The following ANO5 variants were observed in gnomAD, a reference collection of about 807,000 sequenced individuals.
ANO5 encodes anoctamin-5.
Under a neutral mutation model 121.0 loss-of-function variants are expected in ANO5, and 109 were observed. The ratio of observed to expected loss-of-function variants is 0.90; its 90% CI spans 0.77 to 1.06. The LOEUF (loss-of-function observed/expected upper bound fraction) is 1.06, where lower values mean the gene tolerates loss of function less well. Ranked by LOEUF, ANO5 falls within the 50% of genes least tolerant of loss-of-function variation. The pLI, the probability that ANO5 is intolerant of heterozygous loss-of-function variation, is 0.00. For synonymous variants in ANO5, 406 were observed against 359.9 expected (o/e 1.13, Z -1.45); for missense variants, 1,064 against 1,078.5 (o/e 0.99, Z 0.19).
At chr11:22,194,431 C>A (rs1043191714) in intron 1 of ANO5, among the ~76,000 whole-genome samples, 4 of 152,084 alleles carry the variant, frequency 2.6e-5, no homozygotes, top group Non-Finnish European at 5.9e-5. Context: ...TCCTCGTTCC[C>A]TTTTTTAAGC....
rs111357675 is a variant in ANO5, at chr11:22,197,255, T to G, written c.40+3723T>G. On this transcript the variant is annotated intron_variant, in intron 1 of 21. Coordinates refer to ENST00000324559, the MANE Select transcript of ANO5 (RefSeq NM_213599.3). ...GGCTAATTTCCTACTATCTTCTAAT[T>G]TTAAAAATGAAATTCTAATGGCAGA... Among the ~76,000 whole-genome samples, 253 of 152,338 alleles carry G rather than the reference T, an allele frequency of 1.7e-3. 2 individuals are homozygous for G. Among genetic ancestry groups the G allele is most frequent in the African/African-American group, 5.8e-3 (240 of 41,572 alleles).
chr11:22,211,132 A>G (rs1852262828), intron 2 of ANO5, 132 bp from the exon 3 acceptor site: 14 of 967,606 alleles, frequency 1.4e-5, no homozygotes, highest in Middle Eastern at 2.1e-4. Flanking sequence ...ACAGTTTTGC[A>G]TATGATTTAA....
intron 1 of ANO5, among the ~76,000 whole-genome samples, chr11:22,203,227 A>G (rs989473593): frequency 6.6e-6 from 1 of 152,172 alleles, no homozygotes; most frequent in Non-Finnish European, 1.5e-5. Context: ...TCAAGTTGGA[A>G]CCACTAGAAA....
intron 2 of ANO5, among the ~76,000 whole-genome samples, chr11:22,206,368 G>T (rs1334293755): frequency 1.3e-5 from 2 of 152,136 alleles, no homozygotes; most frequent in Non-Finnish European, 2.9e-5. Context: ...CCAGGCTGGA[G>T]TGCAGTGGCA....
chr11:22,273,011 G>C (rs773483450), intron 19 of ANO5, 22 bp downstream of exon 19: 5 of 1,604,734 alleles, frequency 3.1e-6, no homozygotes, highest in Non-Finnish European at 4.3e-6. Flanking sequence ...TATTTCGGTG[G>C]GGTGACTTTG....
intron 7 of ANO5, among the ~76,000 whole-genome samples, chr11:22,228,997 G>C (rs1391519519): frequency 3.9e-5 from 6 of 151,926 alleles, no homozygotes; most frequent in Admixed American, 3.9e-4. Flanking sequence ...CATATACCCA[G>C]TAATGGGATT....
intron 21 of ANO5, 116 bp from the exon 22 acceptor site, chr11:22,279,428 C>T: frequency 1.2e-6 from 1 of 850,734 alleles, no homozygotes; most frequent in Non-Finnish European, 1.9e-6. Flanking sequence ...TCTTCCTTGC[C>T]TTTCTACCTC....
intron 5 of ANO5, 106 bp from the exon 6 acceptor site, chr11:22,225,878 G>A (rs1187953692): frequency 1.5e-5 from 12 of 806,722 alleles, no homozygotes; most frequent in Non-Finnish European, 2.3e-5. Context: ...CATGGGAGGG[G>A]CAGAGAGCCA....
Position 22,270,461 on chromosome 11 carries a change from T to G in ANO5, c.2029+19T>G, listed in dbSNP as rs374035760. On this transcript the variant is annotated intron_variant, in intron 18 of 21. Transcript: ENST00000324559. ...GAAACAGGTAATTTTTAACCACTGT[T>G]TTGAAACATAGAGTTGGCATGAATG... The G allele has an allele frequency of 2.4e-4, 387 of 1,613,790 alleles. 4 individuals are homozygous for G. In the South Asian group the frequency reaches 3.9e-3, roughly 16 times the overall value.
intron 14 of ANO5, among the ~76,000 whole-genome samples, chr11:22,259,273 G>A (rs756184163): frequency 2.0e-5 from 3 of 151,860 alleles, no homozygotes; most frequent in Non-Finnish European, 4.4e-5. Flanking sequence ...CCTAGAGGAT[G>A]AGCAATGAAT....
intron 2 of ANO5, among the ~76,000 whole-genome samples, chr11:22,204,590 T>C (rs2133523959): frequency 6.6e-6 from 1 of 152,212 alleles, no homozygotes; most frequent in South Asian, 2.1e-4. Context: ...GGCTATTTGC[T>C]AGTTGGCTGG....
Position 22,255,366 on chromosome 11 carries a change from T to A in ANO5, c.1181-5T>A, listed in dbSNP as rs1382946533. The A allele has an allele frequency of 2.5e-6, 4 of 1,599,868 alleles. No homozygotes were observed. Among genetic ancestry groups the A allele is most frequent in the Non-Finnish European group, 3.4e-6 (4 of 1,169,732 alleles). ...TCTTTTTTTTATATATTTATTTACC[T>A]ATAGTCACCTTATTTTTGGAGTTTT... On this transcript the variant is annotated splice_region_variant and splice_polypyrimidine_tract_variant and intron_variant, in intron 12 of 21. Transcript: ENST00000324559.
rs893294541 is a variant in ANO5 at position 22,215,148 on chromosome 11, C to T, written c.139-3098C>T. The stretch of plus-strand genomic sequence containing the variant: ...AAGCAAAGAATGGGAATTGAAAAGA[C>T]ACACTAAAGGTTGCTTAAATAACGA... On this transcript the variant is annotated intron_variant, in intron 3 of 21. Coordinates refer to ENST00000324559, the MANE Select transcript of ANO5 (RefSeq NM_213599.3). Among the ~76,000 whole-genome samples, 3 of 151,914 alleles carry T rather than the reference C, an allele frequency of 2.0e-5. No individual in the cohort carries two copies. In the South Asian group the frequency reaches 6.2e-4, roughly 31 times the overall value.
chr11:22,221,201 G>A lies in ANO5; in HGVS notation c.285G>A (p.Glu95=), dbSNP rs1852639495. 3.1e-6 allele frequency: 5 copies of A among 1,604,374 alleles called. No individual in the cohort carries two copies. The highest frequency in any genetic ancestry group is 3.4e-6 in the Non-Finnish European group (4 of 1,171,980). The stretch of plus-strand genomic sequence containing the variant: ...TTGATGATGTAAAGAAAGACGCAGA[G>A]TTAAAGGCGGTAAGTGCATTATAAC... The part of the protein sequence containing the change: ...SYVDDVKKDA[E]LKAERRKEFE... Residue 95 remains glutamate, a synonymous_variant, in exon 5 of 22, where the codon GAG becomes GAA. Transcript: ENST00000324559.
At position 22,250,361 on chromosome 11, in the gene ANO5, A is replaced by C; in HGVS notation, c.1003A>C (p.Asn335His). Residue 335 changes from asparagine to histidine, a missense_variant, in exon 10 of 22, where the codon AAC (asparagine) becomes CAC (histidine). Asn to His is a moderately conservative substitution (Grantham distance 68). Transcript: ENST00000324559. ...FIYGLLSMEHNTSSTEICDPE... is the reference protein window; with the variant it reads ...FIYGLLSMEHHTSSTEICDPE... The stretch of plus-strand genomic sequence containing the variant: ...TTATGGCTTATTATCAATGGAACAT[A>C]ACACAAGCAGGTAAGTGCACCTGAG... 6.2e-7 allele frequency: 1 copy of C among 1,613,546 alleles called. No individual in the cohort carries two copies. The highest frequency in any genetic ancestry group is 2.2e-5 in the East Asian group (1 of 44,810).
At chr11:22,256,247 G>A (rs1001958333) in intron 13 of ANO5, among the ~76,000 whole-genome samples, 5 of 152,122 alleles carry the variant, frequency 3.3e-5, no homozygotes, top group South Asian at 2.1e-4. Context: ...CTATCTTCCC[G>A]TAATCTACAA....
intron 9 of ANO5, among the ~76,000 whole-genome samples, chr11:22,247,986 C>A (rs1293840530): frequency 6.6e-6 from 1 of 151,916 alleles, no homozygotes; most frequent in African/African-American, 2.4e-5. Flanking sequence ...ATGTGTGGTA[C>A]AGATAATGTT....
intron 20 of ANO5, among the ~76,000 whole-genome samples, chr11:22,275,256 T>G (rs1854795598): frequency 1.3e-5 from 2 of 151,750 alleles, no homozygotes; most frequent in Non-Finnish European, 3.0e-5. Context: ...AACCTACTGT[T>G]TTTACACTCA....
intron 9 of ANO5, among the ~76,000 whole-genome samples, chr11:22,240,556 T>A (rs1189766200): frequency 2.0e-5 from 3 of 152,110 alleles, no homozygotes; most frequent in Non-Finnish European, 4.4e-5. Context: ...TTAGTCAGTT[T>A]ATAAACTGGG....
Sources: allele counts gnomAD v4.1 joint callset (sites outside exome capture counted in the v4.1 genomes callset), GRCh38; gene constraint gnomAD v4.1.1; transcripts MANE v1.5; gene names NCBI Gene and HGNC (gene_info 2026-07-23, HGNC 2026-07-21).